Variants in FOXJ2 observed in about 807,000 individuals in gnomAD.
FOXJ2 encodes forkhead box protein J2.
Under a neutral mutation model 68.4 loss-of-function variants are expected in FOXJ2, and 18 were observed. That is an observed-to-expected ratio of 0.26 (90% CI 0.18 to 0.39). FOXJ2 has a LOEUF of 0.39. Ranked by LOEUF, FOXJ2 falls within the 10% of genes least tolerant of loss-of-function variation. The probability of loss-of-function intolerance (pLI) is 1.00; values close to 1 mark genes in which losing one functional copy is unlikely to be tolerated. For missense variants in FOXJ2, 670 were observed against 726.5 expected, an observed-to-expected ratio of 0.92 and a Z score of 0.89; for synonymous variants, 274 against 263.2, an observed-to-expected ratio of 1.04 and a Z score of -0.40.
rs35642012 is a variant in FOXJ2, at chr12:8,044,828, C to A, written c.687C>A (p.Pro229=). The change falls in exon 6 of 11, where the codon CCC becomes CCA. Residue 229 remains proline (P), a synonymous_variant. Coordinates refer to ENST00000162391, the MANE Select transcript of FOXJ2 (RefSeq NM_018416.3). The part of the protein sequence containing the change: ...GASGRESAEG[P]PPLYNTNHDF... ...CAGGCCGAGAAAGTGCTGAGGGTCC[C>A]CCTCCCCTCTATAACACCAACCATG... The A allele has an allele frequency of 9.3e-6, 15 of 1,613,282 alleles. No homozygotes were observed. The highest frequency in any genetic ancestry group is 1.2e-5 in the Non-Finnish European group (14 of 1,179,322).
intron 8 of FOXJ2, 39 bp from the exon 9 acceptor site, chr12:8,049,323 C>A: frequency 6.4e-7 from 1 of 1,558,792 alleles, no homozygotes; most frequent in Non-Finnish European, 8.8e-7. Context: ...GGGCTTCCTA[C>A]CTCTGCAAGG....
At position 8,041,981 on chromosome 12, in the gene FOXJ2, G is replaced by A. The variant is rs755804429; in HGVS notation, c.334-677G>A. Among the ~76,000 whole-genome samples the A allele has an allele frequency of 5.9e-5, 9 of 151,624 alleles. No individual in the cohort carries two copies. The East Asian group carries it at 1.2e-3, about 20-fold the overall frequency. ...CCACCACTGCCTCCTGGGTTCAAGC[G>A]ATTCTCCTGTCTCAGCCTCCTGAGT... On this transcript the variant is annotated intron_variant, in intron 2 of 10. Transcript: ENST00000162391.
chr12:8,046,571 C>T (rs930550465), intron 6 of FOXJ2, among the ~76,000 whole-genome samples: 1 of 152,126 alleles, frequency 6.6e-6, no homozygotes, highest in African/African-American at 2.4e-5. Flanking sequence ...GTATCTTGTC[C>T]GTGCACATTT....
At chr12:8,043,895 T>TTTC (rs1947000928) in intron 4 of FOXJ2, 56 bp from the exon 5 acceptor site, 2 of 1,573,448 alleles carry the variant, frequency 1.3e-6, no homozygotes, top group Non-Finnish European at 1.7e-6. Flanking sequence ...AAACCATGGG[T>TTTC]CTTGGGAGGA....
At chr12:8,050,770 A>G in intron 10 of FOXJ2, 150 bp downstream of exon 10, 1 of 890,146 alleles carries the variant, frequency 1.1e-6, no homozygotes, top group Non-Finnish European at 1.8e-6. Flanking sequence ...AGGATGGGTT[A>G]CCTGCTAAGA....
At chr12:8,044,448 C>T (rs1947007105) in intron 5 of FOXJ2, among the ~76,000 whole-genome samples, 1 of 152,160 alleles carries the variant, frequency 6.6e-6, no homozygotes, top group Admixed American at 6.5e-5. Context: ...TGGCATGTGC[C>T]TATAGTTCCT....
intron 10 of FOXJ2, among the ~76,000 whole-genome samples, chr12:8,052,111 A>G (rs1947133453): frequency 6.6e-6 from 1 of 151,526 alleles, no homozygotes; most frequent in African/African-American, 2.4e-5. Context: ...CAAGTGATCC[A>G]CCCATCTCGG....
Position 8,044,779 on chromosome 12 carries a change from G to A in FOXJ2, c.638G>A (p.Gly213Asp). The A allele has an allele frequency of 1.2e-6, 2 of 1,613,922 alleles. No homozygotes were observed. The highest frequency in any genetic ancestry group is 1.7e-6 in the Non-Finnish European group (2 of 1,179,868). ...SYSQGTGSVD[G>D]GAVAAGASGR... is the part of the protein sequence containing the mutation. ...TTGCAGGGCACAGGATCTGTGGATG[G>A]TGGAGCAGTGGCAGCAGGGGCTTCA... The change falls in exon 6 of 11, where the codon GGT (glycine) becomes GAT (aspartate). Residue 213 changes from glycine to aspartate, a missense_variant. By Grantham distance (94) the Gly-to-Asp change is moderately conservative (BLOSUM62 -1). Transcript: ENST00000162391.
rs1946879850 is a variant in FOXJ2, at chr12:8,035,096, T to A, written c.-15+1263T>A. Among the ~76,000 whole-genome samples, 1 of 152,226 alleles carries A rather than the reference T, an allele frequency of 6.6e-6. No individual in the cohort carries two copies. Among genetic ancestry groups the A allele is most frequent in the Non-Finnish European group, 1.5e-5 (1 of 68,036 alleles). On this transcript the variant is annotated intron_variant, in intron 1 of 10. Coordinates refer to ENST00000162391, the MANE Select transcript of FOXJ2 (RefSeq NM_018416.3). This position sits in a 1 kb window ranked among gnomAD's most constrained non-coding sequence, Gnocchi z 4.0. ...TACAGTCATTTGTCCTGGAAGCTAC[T>A]GGTGGTATATGAGATAGGGCACAGG...
Position 8,042,292 on chromosome 12 carries a change from A to G in FOXJ2, c.334-366A>G, listed in dbSNP as rs545953639. The stretch of plus-strand genomic sequence containing the variant: ...CTCAATTTATATAAAAAGTTTTAAA[A>G]CATTGTTCTTTTGCTATCAGTAGGG... On this transcript the variant is annotated intron_variant, in intron 2 of 10. Coordinates refer to ENST00000162391, the MANE Select transcript of FOXJ2 (RefSeq NM_018416.3). Among the ~76,000 whole-genome samples, 22 of 152,342 alleles carry G rather than the reference A, an allele frequency of 1.4e-4. No homozygotes were observed. The South Asian group carries it at 4.6e-3, about 32-fold the overall frequency.
intron 1 of FOXJ2, among the ~76,000 whole-genome samples, chr12:8,036,209 C>T (rs760145452): frequency 3.9e-5 from 6 of 152,210 alleles, no homozygotes; most frequent in Non-Finnish European, 7.3e-5. Context: ...AGCCACTGCC[C>T]TCTTTGTTCT....
At chr12:8,051,949 A>C (rs1247191536) in intron 10 of FOXJ2, among the ~76,000 whole-genome samples, 3 of 150,132 alleles carry the variant, frequency 2.0e-5, no homozygotes, top group Non-Finnish European at 4.4e-5. Context: ...GCTCACTGCA[A>C]CCTCCGCCTC....
rs982260257 is a variant in FOXJ2, at chr12:8,040,743, C to T, written c.333+578C>T. Among the ~76,000 whole-genome samples, 1 of 152,026 alleles carries T rather than the reference C, an allele frequency of 6.6e-6. No homozygotes were observed. Among genetic ancestry groups the T allele is most frequent in the Non-Finnish European group, 1.5e-5 (1 of 67,992 alleles). ...GCCCACATCCTCTTGTCTTCTGATCCCTCAAAGAGGATATTCACTCATTTC... is the reference window on the plus strand; with the variant it reads ...GCCCACATCCTCTTGTCTTCTGATCTCTCAAAGAGGATATTCACTCATTTC... On this transcript the variant is annotated intron_variant, in intron 2 of 10. Coordinates refer to ENST00000162391, the MANE Select transcript of FOXJ2 (RefSeq NM_018416.3). This position sits in a 1 kb window ranked among gnomAD's most constrained non-coding sequence, Gnocchi z 4.0.
In FOXJ2 at chr12:8,042,699, G is replaced by A. The variant is rs1946980813; in HGVS notation, c.375G>A (p.Arg125=). The change falls in exon 3 of 11, where the codon CGG becomes CGA. Residue 125 remains arginine, a synonymous_variant. Transcript: ENST00000162391. ...RHNLSLNKCF[R]KVPRPRDDPG... Reference sequence around the variant, plus strand: ...ACCTTTCTCTCAACAAGTGTTTCCGGAAGGTGCCCAGACCTCGGGATGACC... The same window carrying A: ...ACCTTTCTCTCAACAAGTGTTTCCGAAAGGTGCCCAGACCTCGGGATGACC... 1 of 1,614,176 alleles carries A rather than the reference G, an allele frequency of 6.2e-7. No homozygotes were observed. Among genetic ancestry groups the A allele is most frequent in the South Asian group, 1.1e-5 (1 of 91,080 alleles).
chr12:8,046,619 T>C (rs1320595833), intron 6 of FOXJ2, among the ~76,000 whole-genome samples: 3 of 152,224 alleles, frequency 2.0e-5, no homozygotes, highest in Non-Finnish European at 2.9e-5. Context: ...AAGTTTTTAC[T>C]GGGAGGCCCC....
intron 1 of FOXJ2, among the ~76,000 whole-genome samples, chr12:8,036,945 C>T (rs755615608): frequency 2.0e-5 from 3 of 151,988 alleles, no homozygotes; most frequent in Non-Finnish European, 2.9e-5. Flanking sequence ...AAAAAATAGC[C>T]GGGTGTGGTG....
At position 8,043,685 on chromosome 12, in the gene FOXJ2, T is replaced by G; in HGVS notation, c.409-16T>G. ...GTAACAATTTTGTTTTCTGTGGGAATGGGATCTCCTTCCAGGGTTCCTATT... is the reference window on the plus strand; with the variant it reads ...GTAACAATTTTGTTTTCTGTGGGAAGGGGATCTCCTTCCAGGGTTCCTATT... On this transcript the variant is annotated splice_polypyrimidine_tract_variant and intron_variant, in intron 3 of 10. Transcript: ENST00000162391. 1 of 1,614,010 alleles carries G rather than the reference T, an allele frequency of 6.2e-7. No individual in the cohort carries two copies. The highest frequency in any genetic ancestry group is 1.3e-5 in the African/African-American group (1 of 75,058).
intron 2 of FOXJ2, among the ~76,000 whole-genome samples, chr12:8,041,859 C>T (rs906648777): frequency 2.0e-5 from 3 of 151,866 alleles, no homozygotes; most frequent in African/African-American, 7.3e-5. Context: ...CCATAATCCC[C>T]AATCCCACCC....
rs1057149323 is a variant in FOXJ2, at chr12:8,053,771, G to T, written c.*921G>T. ...TAATTTTCTCTGAAAATTAATTGTGGCTCTTATTTGCATTTACGAATGATC... is the reference window on the plus strand; with the variant it reads ...TAATTTTCTCTGAAAATTAATTGTGTCTCTTATTTGCATTTACGAATGATC... On this transcript the variant is annotated 3_prime_UTR_variant, in exon 11 of 11. Transcript: ENST00000162391. This position sits in a 1 kb window ranked among gnomAD's most constrained non-coding sequence, Gnocchi z 4.1. 21 of 152,142 alleles carry T rather than the reference G, an allele frequency of 1.4e-4. No individual in the cohort carries two copies. Among genetic ancestry groups the T allele is most frequent in the African/African-American group, 5.1e-4 (21 of 41,440 alleles). The allele number at this position is 152,142 out of a possible 1,614,324, so 9.4% of individuals were successfully genotyped here.
Sources: gnomAD v4.1 joint callset for allele counts (sites outside exome capture counted in the v4.1 genomes callset) on GRCh38, gnomAD v4.1.1 for gene constraint, Gnocchi (gnomAD v3.1) non-coding constraint, MANE v1.5 for transcripts, NCBI Gene and HGNC (gene_info 2026-07-23, HGNC 2026-07-21) for gene names.